AGAP1: variants seen among roughly 807,000 people sequenced by gnomAD.
The protein encoded by AGAP1 is arf-GAP with GTPase, ANK repeat and PH domain-containing protein 1.
A neutral mutation model predicts 105.3 loss-of-function variants in AGAP1; 29 were observed. The ratio of observed to expected loss-of-function variants is 0.28; its 90% CI spans 0.21 to 0.38. The LOEUF is 0.38. Ranked by LOEUF, AGAP1 falls within the 10% of genes least tolerant of loss-of-function variation. AGAP1 has a pLI of 1.00. For missense variants in AGAP1, 998 were observed against 1,165.1 expected, an observed-to-expected ratio of 0.86 and a Z score of 2.09; for synonymous variants, 509 against 485.9, an observed-to-expected ratio of 1.05 and a Z score of -0.63.
In AGAP1 at chr2:235,716,004, T is replaced by C. The variant is rs1951083584; in HGVS notation, c.223-1553T>C. Among the ~76,000 whole-genome samples, 1 of 152,042 alleles carries C rather than the reference T, an allele frequency of 6.6e-6. No homozygotes were observed. Among genetic ancestry groups the C allele is most frequent in the African/African-American group, 2.4e-5 (1 of 41,426 alleles). On this transcript the variant is annotated intron_variant, in intron 2 of 17. Coordinates refer to ENST00000304032, the MANE Select transcript of AGAP1 (RefSeq NM_001037131.3). The surrounding 1 kb of genome is among the most constrained non-coding windows in gnomAD (Gnocchi z 4.0). ...ATATAAAGTCCTGGTGGGAGCTAAG[T>C]AGGGGCGCCTGGAGCTGGGGTGGAC...
chr2:235,996,485 T>C (rs1032375665), intron 13 of AGAP1, among the ~76,000 whole-genome samples: 1 of 152,248 alleles, frequency 6.6e-6, no homozygotes, highest in Non-Finnish European at 1.5e-5. Context: ...TATGAAAATA[T>C]TCTTGCCTTT....
chr2:235,707,591 T>G (rs548686242), intron 1 of AGAP1, among the ~76,000 whole-genome samples: 5 of 140,986 alleles, frequency 3.5e-5, no homozygotes, highest in African/African-American at 1.3e-4. Context: ...TGTGACATGG[T>G]GGGTTGTGCT....
In AGAP1 at chr2:235,977,557, C is replaced by T. The variant is rs527403962; in HGVS notation, c.1645+8934C>T. Among the ~76,000 whole-genome samples the T allele has an allele frequency of 2.6e-5, 4 of 152,224 alleles. No homozygotes were observed. In the East Asian group the frequency reaches 7.7e-4, roughly 29 times the overall value. On this transcript the variant is annotated intron_variant, in intron 13 of 17. Coordinates refer to ENST00000304032, the MANE Select transcript of AGAP1 (RefSeq NM_001037131.3). This position sits in a 1 kb window ranked among gnomAD's most constrained non-coding sequence, Gnocchi z 5.2. Reference sequence around the variant, plus strand: ...AGGGTGTTTTTCTCGGCCTCTGCAGCCCTCAGATGTTCCCACGCTCTGTTA... The same window carrying T: ...AGGGTGTTTTTCTCGGCCTCTGCAGTCCTCAGATGTTCCCACGCTCTGTTA...
chr2:235,975,587 A>G (rs537464807), intron 13 of AGAP1, among the ~76,000 whole-genome samples: 2 of 152,326 alleles, frequency 1.3e-5, no homozygotes, highest in African/African-American at 2.4e-5. Flanking sequence ...TAGTGTGCAC[A>G]TGACGGTGAG....
rs1949798619 is a variant in AGAP1, at chr2:235,692,813, C to T, written c.164-16366C>T. Among the ~76,000 whole-genome samples the T allele has an allele frequency of 6.6e-6, 1 of 152,192 alleles. No individual in the cohort carries two copies. The highest frequency in any genetic ancestry group is 2.1e-4 in the South Asian group (1 of 4,828). The stretch of plus-strand genomic sequence containing the variant: ...TTGCTGGTCGGCTGCTCTGCTGATT[C>T]TCGAAGGCGGAGTCAGGGTGTGCTT... On this transcript the variant is annotated intron_variant, in intron 1 of 17. Transcript: ENST00000304032. The surrounding 1 kb of genome is among the most constrained non-coding windows in gnomAD (Gnocchi z 5.8).
In AGAP1 at chr2:235,993,003, C is replaced by T. The variant is rs938444443; in HGVS notation, c.1645+24380C>T. 6.6e-6 allele frequency among the ~76,000 whole-genome samples: 1 copy of T among 152,074 alleles called. No individual in the cohort carries two copies. Among genetic ancestry groups the T allele is most frequent in the Non-Finnish European group, 1.5e-5 (1 of 68,022 alleles). On this transcript the variant is annotated intron_variant, in intron 13 of 17. Coordinates refer to ENST00000304032, the MANE Select transcript of AGAP1 (RefSeq NM_001037131.3). This position sits in a 1 kb window ranked among gnomAD's most constrained non-coding sequence, Gnocchi z 5.0. ...GTCTGCCTTTCATGAAAGATAGTAG[C>T]AAAAGTTATTGTTATACGTTACAAA...
chr2:235,945,267 ATTT>A (rs1424981164), intron 12 of AGAP1, among the ~76,000 whole-genome samples: 1 of 151,748 alleles, frequency 6.6e-6, no homozygotes, highest in African/African-American at 2.4e-5. Context: ...CGCCCGGCTA[ATTT>A]TTTGTATTTT....
rs1333566130 is a variant in AGAP1 at position 236,051,311 on chromosome 2, A to G, written c.2114+2030A>G. 2.6e-5 allele frequency among the ~76,000 whole-genome samples: 4 copies of G among 152,232 alleles called. No individual in the cohort carries two copies. The highest frequency in any genetic ancestry group is 7.2e-5 in the African/African-American group (3 of 41,460). On this transcript the variant is annotated intron_variant, in intron 16 of 17. Transcript: ENST00000304032. This position sits in a 1 kb window ranked among gnomAD's most constrained non-coding sequence, Gnocchi z 5.9. ...GTGAAAATCAGCAAATAATCATTGC[A>G]CACTTTCTCGTAGAAAAGCAACGGT... is the stretch of plus-strand genomic sequence containing the variant.
chr2:235,539,041 A>G (rs1943346933), intron 1 of AGAP1, among the ~76,000 whole-genome samples: 1 of 152,196 alleles, frequency 6.6e-6, no homozygotes, highest in East Asian at 1.9e-4. Flanking sequence ...GGTGGCAGCT[A>G]CATTGCTAAT....
rs1478113856 is a variant in AGAP1 at position 235,646,641 on chromosome 2, T to A, written c.164-62538T>A. ...TCTCCCTTGGGCCCCCGCCCCTAAC[T>A]TTTCCACCTGATCTCTGACTTCTCC... is the stretch of plus-strand genomic sequence containing the variant. On this transcript the variant is annotated intron_variant, in intron 1 of 17. Coordinates refer to ENST00000304032, the MANE Select transcript of AGAP1 (RefSeq NM_001037131.3). 2.0e-5 allele frequency among the ~76,000 whole-genome samples: 3 copies of A among 152,194 alleles called. 1 individual carries two copies. Among genetic ancestry groups the A allele is most frequent in the Non-Finnish European group, 4.4e-5 (3 of 68,036 alleles).
At chr2:235,808,702 C>T (rs990366554) in intron 9 of AGAP1, among the ~76,000 whole-genome samples, 9 of 152,132 alleles carry the variant, frequency 5.9e-5, no homozygotes, top group Non-Finnish European at 1.3e-4. Flanking sequence ...TCACCAAGGC[C>T]CTCAGGCATC....
At chr2:235,899,180 C>T (rs1276265307) in intron 10 of AGAP1, among the ~76,000 whole-genome samples, 1 of 152,182 alleles carries the variant, frequency 6.6e-6, no homozygotes, top group Non-Finnish European at 1.5e-5. Context: ...AATCGATATT[C>T]ACCTCAGAGG....
intron 1 of AGAP1, among the ~76,000 whole-genome samples, chr2:235,522,488 G>A (rs754612735): frequency 6.6e-6 from 1 of 152,176 alleles, no homozygotes; most frequent in Non-Finnish European, 1.5e-5. Flanking sequence ...AGGAGAGGAC[G>A]CAAGAGAATG....
chr2:235,972,728 A>C (rs2054701852), intron 13 of AGAP1, among the ~76,000 whole-genome samples: 1 of 152,170 alleles, frequency 6.6e-6, no homozygotes, highest in Admixed American at 6.5e-5. Flanking sequence ...CCCAGGACCA[A>C]GACAAAACCA....
rs1325725677 is a variant in AGAP1, at chr2:235,983,144, G to A, written c.1645+14521G>A. ...CCTCAGGGGTCTCCCAGGATGCTGG[G>A]GCTGGTGGACGACCCCAGAGAAGGG... On this transcript the variant is annotated intron_variant, in intron 13 of 17. Coordinates refer to ENST00000304032, the MANE Select transcript of AGAP1 (RefSeq NM_001037131.3). The surrounding 1 kb of genome is among the most constrained non-coding windows in gnomAD (Gnocchi z 4.5). 6.6e-6 allele frequency among the ~76,000 whole-genome samples: 1 copy of A among 152,150 alleles called. No homozygotes were observed. The highest frequency in any genetic ancestry group is 1.9e-4 in the East Asian group (1 of 5,180).
intron 1 of AGAP1, among the ~76,000 whole-genome samples, chr2:235,630,207 A>C (rs1362054212): frequency 3.3e-5 from 5 of 152,104 alleles, no homozygotes; most frequent in Admixed American, 3.3e-4. Flanking sequence ...ATTCCTCCTA[A>C]ACGTCTTTCT....
At chr2:236,099,058 G>T (rs2059271792) in intron 16 of AGAP1, among the ~76,000 whole-genome samples, 1 of 152,062 alleles carries the variant, frequency 6.6e-6, no homozygotes, top group South Asian at 2.1e-4. Context: ...GGAGCCAGCA[G>T]GTAGGCTGCT....
intron 6 of AGAP1, among the ~76,000 whole-genome samples, chr2:235,784,011 T>G (rs2149956236): frequency 6.6e-6 from 1 of 152,250 alleles, no homozygotes; most frequent in South Asian, 2.1e-4. Context: ...GGTGGATAGA[T>G]ATATAATAAA....
intron 9 of AGAP1, chr2:235,852,991 A>G: frequency 9.6e-6 from 12 of 1,249,608 alleles, no homozygotes; most frequent in Non-Finnish European, 1.2e-5. Context: ...AGAGCTGGAG[A>G]AATGGAGCGC....
Sources: gnomAD v4.1 joint callset for allele counts (sites outside exome capture counted in the v4.1 genomes callset) on GRCh38, gnomAD v4.1.1 for gene constraint, Gnocchi (gnomAD v3.1) non-coding constraint, MANE v1.5 for transcripts, NCBI Gene and HGNC (gene_info 2026-07-23, HGNC 2026-07-21) for gene names.